Variants in CROT observed in about 807,000 individuals in gnomAD.
CROT encodes the protein peroxisomal carnitine O-octanoyltransferase.
In CROT, 84 loss-of-function variants were observed where a neutral mutation model predicts 89.2. The observed-to-expected ratio is 0.94, with a 90% CI of 0.79 to 1.13. CROT has a LOEUF of 1.13. Ranked by LOEUF, CROT falls within the 50% of genes most tolerant of loss-of-function variation. The pLI is 0.00. For synonymous variants in CROT, 212 were observed against 239.5 expected, an observed-to-expected ratio of 0.89 and a Z score of 1.06; for missense variants, 711 against 727.8, an observed-to-expected ratio of 0.98 and a Z score of 0.27.
rs192990806 is a variant in CROT, at chr7:87,382,615, T to C, written c.1301+72T>C. On this transcript the variant is annotated intron_variant, in intron 13 of 17. Transcript: ENST00000331536. ...TATATCTTTTTTTATAGCTATTTCA[T>C]CCTAACTCCTCAGTATTTTTGCTCA... 1.2e-5 allele frequency: 17 copies of C among 1,457,134 alleles called. No homozygotes were observed. In the East Asian group the frequency reaches 3.7e-4, roughly 32 times the overall value. 90.3% of individuals were successfully genotyped at this position (1,457,134 alleles called of 1,614,324 possible).
chr7:87,375,771 C>G (rs1027985641), intron 8 of CROT, 46 bp downstream of exon 8: 2 of 1,612,158 alleles, frequency 1.2e-6, no homozygotes, highest in Non-Finnish European at 1.7e-6. Context: ...CTAACAAACT[C>G]TTTTGATGTA....
chr7:87,358,819 G>T (rs1806182282), intron 3 of CROT, among the ~76,000 whole-genome samples: 2 of 152,092 alleles, frequency 1.3e-5, no homozygotes, highest in African/African-American at 4.8e-5. Context: ...GGTATAAATG[G>T]ACCTGTGCAG....
At chr7:87,352,321 C>A (rs188630134) in intron 3 of CROT, among the ~76,000 whole-genome samples, 1 of 152,282 alleles carries the variant, frequency 6.6e-6, no homozygotes, top group East Asian at 1.9e-4. Context: ...GTGCTACCTG[C>A]CCTGGATCCA....
At chr7:87,355,712 A>C (rs75878016) in intron 3 of CROT, among the ~76,000 whole-genome samples, 2 of 152,196 alleles carry the variant, frequency 1.3e-5, no homozygotes, top group East Asian at 3.9e-4. Flanking sequence ...GGTACTGACA[A>C]ATACAACTCT....
At chr7:87,371,113 T>C (rs1286177552) in intron 7 of CROT, among the ~76,000 whole-genome samples, 1 of 152,220 alleles carries the variant, frequency 6.6e-6, no homozygotes, top group East Asian at 1.9e-4. Flanking sequence ...ATCTTTACCA[T>C]ACAGATTATA....
At chr7:87,383,481 T>C (rs138783902) in intron 13 of CROT, among the ~76,000 whole-genome samples, 6 of 149,396 alleles carry the variant, frequency 4.0e-5, no homozygotes, top group East Asian at 2.0e-4. Flanking sequence ...TAATATTCCA[T>C]TGTGTATGTA....
At position 87,361,463 on chromosome 7, in the gene CROT, G is replaced by A; in HGVS notation, c.314G>A (p.Gly105Asp). 2.5e-6 allele frequency: 4 copies of A among 1,614,004 alleles called. No homozygotes were observed. In the South Asian group the frequency reaches 3.3e-5, roughly 13 times the overall value. The change falls in exon 5 of 18, where the codon GGT becomes GAT. Residue 105 changes from glycine to aspartate, a missense_variant. By Grantham distance (94) the Gly-to-Asp change is moderately conservative. Coordinates refer to ENST00000331536, the MANE Select transcript of CROT (RefSeq NM_021151.4). ...TCACAATTGAATGTCAACTTTGCGG[G>A]TCCTGCAGCTCATTTTGAACACTAC... The part of the protein sequence containing the change: ...IPSQLNVNFA[G>D]PAAHFEHYWP...
intron 2 of CROT, among the ~76,000 whole-genome samples, chr7:87,348,484 C>G (rs2115779153): frequency 6.6e-6 from 1 of 152,264 alleles, no homozygotes; most frequent in Admixed American, 6.5e-5. Context: ...GTACTTTGTG[C>G]TCCAAAGTTT....
intron 13 of CROT, among the ~76,000 whole-genome samples, chr7:87,389,795 C>A (rs556138277): frequency 2.7e-5 from 4 of 146,876 alleles, no homozygotes; most frequent in Non-Finnish European, 4.5e-5. Context: ...GCAAAGCCTT[C>A]AAATAGATGT....
chr7:87,381,573 T>C (rs1244565479), intron 10 of CROT, among the ~76,000 whole-genome samples: 1 of 152,194 alleles, frequency 6.6e-6, no homozygotes, highest in Non-Finnish European at 1.5e-5. Flanking sequence ...AACATCTTCG[T>C]GTTGCATATA....
chr7:87,374,798 AATG>A (rs1806753825), intron 7 of CROT, among the ~76,000 whole-genome samples: 1 of 152,062 alleles, frequency 6.6e-6, no homozygotes, highest in Non-Finnish European at 1.5e-5. Context: ...TCCAATTTTG[AATG>A]ATGAAGTCAG....
At chr7:87,346,647 G>T (rs996741815) in intron 2 of CROT, among the ~76,000 whole-genome samples, 12 of 152,148 alleles carry the variant, frequency 7.9e-5, no homozygotes, top group Non-Finnish European at 1.6e-4. Context: ...ATGTGTACCG[G>T]TTGGTGGGTT....
chr7:87,364,474 A>C (rs1329323163), intron 6 of CROT, among the ~76,000 whole-genome samples: 1 of 152,210 alleles, frequency 6.6e-6, no homozygotes, highest in Non-Finnish European at 1.5e-5. Context: ...ATGTGGACAG[A>C]GGTTGCCCTT....
intron 9 of CROT, among the ~76,000 whole-genome samples, chr7:87,376,313 C>T (rs979326923): frequency 1.3e-5 from 2 of 152,042 alleles, no homozygotes; most frequent in Admixed American, 1.3e-4. Context: ...TAATCATAAC[C>T]TGCACTAGTG....
rs112073602 is a variant in CROT, at chr7:87,352,799, C to T, written c.115+3616C>T. On this transcript the variant is annotated intron_variant, in intron 3 of 17. Coordinates refer to ENST00000331536, the MANE Select transcript of CROT (RefSeq NM_021151.4). ...AGAATGACATGAAAAGAAGCCCATA[C>T]GTAGCCAAATACTTAAATTATTTAA... is the stretch of plus-strand genomic sequence containing the variant. Among the ~76,000 whole-genome samples the T allele has an allele frequency of 7.3e-3, 1,119 of 152,266 alleles. 12 individuals carry two copies. Among genetic ancestry groups the T allele is most frequent in the African/African-American group, 0.025 (1,050 of 41,552 alleles).
intron 3 of CROT, among the ~76,000 whole-genome samples, chr7:87,358,557 A>G (rs1806174433): frequency 6.6e-6 from 1 of 151,708 alleles, no homozygotes; most frequent in South Asian, 2.1e-4. Flanking sequence ...AGATAATTTT[A>G]TGTTATATGT....
intron 7 of CROT, among the ~76,000 whole-genome samples, chr7:87,371,651 C>T (rs1806634673): frequency 6.6e-6 from 1 of 151,966 alleles, no homozygotes; most frequent in Non-Finnish European, 1.5e-5. Flanking sequence ...GTGAGGACAC[C>T]CACTTCTCCT....
chr7:87,384,884 T>A (rs1328601182), intron 13 of CROT, among the ~76,000 whole-genome samples: 10 of 152,208 alleles, frequency 6.6e-5, no homozygotes, highest in Non-Finnish European at 5.9e-5. Flanking sequence ...TGATTTGAAT[T>A]TTGTACACGG....
At chr7:87,376,386 A>AT (rs1806812193) in intron 9 of CROT, among the ~76,000 whole-genome samples, 1 of 152,128 alleles carries the variant, frequency 6.6e-6, no homozygotes, top group East Asian at 1.9e-4. Flanking sequence ...TAAGTCATTT[A>AT]TTTTATCATT....
Sources: gnomAD v4.1 joint callset for allele counts (sites outside exome capture counted in the v4.1 genomes callset) on GRCh38, gnomAD v4.1.1 for gene constraint, MANE v1.5 for transcripts, NCBI Gene and HGNC (gene_info 2026-07-23, HGNC 2026-07-21) for gene names.